STK24: variants seen among roughly 807,000 people sequenced by gnomAD.
STK24 encodes serine/threonine-protein kinase 24.
Under a neutral mutation model 55.6 loss-of-function variants are expected in STK24, and 21 were observed. The observed-to-expected ratio is 0.38, with a 90% CI of 0.27 to 0.54. The LOEUF (loss-of-function observed/expected upper bound fraction) is 0.54, where lower values mean the gene tolerates loss of function less well. Among genes scored for constraint, STK24 ranks in the 20% least tolerant of loss-of-function variants. STK24 has a pLI of 0.79. For missense variants in STK24, 383 were observed against 538.4 expected (o/e 0.71, Z 2.86); for synonymous variants, 200 against 215.2 (o/e 0.93, Z 0.62).
intron 1 of STK24, among the ~76,000 whole-genome samples, chr13:98,566,331 G>C (rs1897569107): frequency 6.6e-6 from 1 of 152,236 alleles, no homozygotes; most frequent in South Asian, 2.1e-4. Context: ...GAGGGACAAT[G>C]TGACGGTCAG....
intron 2 of STK24, among the ~76,000 whole-genome samples, chr13:98,496,571 C>T (rs1165337840): frequency 2.0e-5 from 3 of 152,196 alleles, no homozygotes; most frequent in Non-Finnish European, 4.4e-5. Context: ...TGTCCCCACA[C>T]GAGATCAACG....
At chr13:98,513,126 C>G (rs191546344) in intron 2 of STK24, among the ~76,000 whole-genome samples, 1 of 152,326 alleles carries the variant, frequency 6.6e-6, no homozygotes, top group African/African-American at 2.4e-5. Flanking sequence ...GCTGGCCAGC[C>G]CACGCAGGGT....
At chr13:98,461,036 C>T (rs1208710869) in intron 8 of STK24, among the ~76,000 whole-genome samples, 1 of 139,270 alleles carries the variant, frequency 7.2e-6, no homozygotes, top group Non-Finnish European at 1.6e-5. Context: ...CAACAGAGAC[C>T]CCGTCTCAAA....
intron 2 of STK24, among the ~76,000 whole-genome samples, chr13:98,502,919 A>G (rs1193241193): frequency 1.3e-5 from 2 of 152,114 alleles, no homozygotes; most frequent in East Asian, 3.8e-4. Context: ...TTTAAAAAGG[A>G]AACACCTGAG....
chr13:98,543,529 G>A (rs1896947597), intron 1 of STK24, among the ~76,000 whole-genome samples: 1 of 152,216 alleles, frequency 6.6e-6, no homozygotes, highest in Non-Finnish European at 1.5e-5. Context: ...TCCATCAACA[G>A]CAGCTGAGAA....
At chr13:98,529,102 G>T (rs562177280) in intron 1 of STK24, among the ~76,000 whole-genome samples, 1 of 152,060 alleles carries the variant, frequency 6.6e-6, no homozygotes, top group Non-Finnish European at 1.5e-5. Context: ...CCTGTCTGGC[G>T]CTACCACCCA....
chr13:98,525,016 C>A (rs1351948911), intron 1 of STK24, among the ~76,000 whole-genome samples: 1 of 152,252 alleles, frequency 6.6e-6, no homozygotes, highest in Non-Finnish European at 1.5e-5. Flanking sequence ...GAGGCCGGGG[C>A]AATGGGGCAC....
chr13:98,479,148 T>G (rs192418818), intron 3 of STK24, among the ~76,000 whole-genome samples: 2 of 152,204 alleles, frequency 1.3e-5, no homozygotes, highest in African/African-American at 4.8e-5. Flanking sequence ...ATACTTCTTA[T>G]GCTCTTCTAA....
intron 2 of STK24, among the ~76,000 whole-genome samples, chr13:98,483,024 C>G (rs1211563570): frequency 6.6e-6 from 1 of 152,262 alleles, no homozygotes; most frequent in Admixed American, 6.5e-5. Flanking sequence ...GGTCTCTCTT[C>G]AAGCTACTCA....
chr13:98,567,642 A>G (rs1198179256), intron 1 of STK24, among the ~76,000 whole-genome samples: 4 of 152,160 alleles, frequency 2.6e-5, no homozygotes, highest in Non-Finnish European at 5.9e-5. Context: ...AGAAAATAAG[A>G]GGCACAATCT....
chr13:98,569,832 T>TA (rs1164939137), intron 1 of STK24, among the ~76,000 whole-genome samples: 1 of 137,210 alleles, frequency 7.3e-6, no homozygotes. Flanking sequence ...CCAAAGTCTA[T>TA]AGACAATGCC....
chr13:98,562,313 C>T lies in STK24; in HGVS notation c.42+14432G>A, dbSNP rs1354105497. ...TGAAGGTTCCCATTTCTGTACAATC[C>T]TCAACCCCCCACTTCACATGATTCT... is the stretch of plus-strand genomic sequence containing the variant. On this transcript the variant is annotated intron_variant, in intron 1 of 10. Coordinates refer to ENST00000539966, the MANE Select transcript of STK24 (RefSeq NM_001032296.4). 2.0e-5 allele frequency among the ~76,000 whole-genome samples: 3 copies of T among 152,096 alleles called. No homozygotes were observed. In the East Asian group the frequency reaches 5.8e-4, roughly 29 times the overall value.
chr13:98,453,867 C>T (rs111619453), intron 10 of STK24: 1 of 152,126 alleles, frequency 6.6e-6, no homozygotes, highest in Non-Finnish European at 1.5e-5. Flanking sequence ...AAAGTACATA[C>T]AAAATTACAG....
At chr13:98,493,319 C>A (rs1895113907) in intron 2 of STK24, among the ~76,000 whole-genome samples, 1 of 152,204 alleles carries the variant, frequency 6.6e-6, no homozygotes, top group Non-Finnish European at 1.5e-5. Context: ...TGGGAAGTTT[C>A]TGTGCTTAAA....
At chr13:98,510,211 G>A (rs1594625021) in intron 2 of STK24, among the ~76,000 whole-genome samples, 1 of 152,168 alleles carries the variant, frequency 6.6e-6, no homozygotes, top group African/African-American at 2.4e-5. Context: ...AGGGGTGTCC[G>A]TCAGTATAAA....
intron 1 of STK24, among the ~76,000 whole-genome samples, chr13:98,537,248 CT>C (rs1896761146): frequency 1.3e-5 from 2 of 152,210 alleles, no homozygotes; most frequent in African/African-American, 4.8e-5. Context: ...CTGGGTGAGG[CT>C]GCTGGGATGG....
intron 1 of STK24, among the ~76,000 whole-genome samples, chr13:98,526,776 T>C (rs1217642092): frequency 6.6e-6 from 1 of 152,154 alleles, no homozygotes; most frequent in Non-Finnish European, 1.5e-5. Flanking sequence ...GGCCAAGACT[T>C]GGGAAACGTG....
chr13:98,558,542 A>T (rs1057070803), intron 1 of STK24, among the ~76,000 whole-genome samples: 1 of 152,190 alleles, frequency 6.6e-6, no homozygotes, highest in African/African-American at 2.4e-5. Context: ...ACCCAGAAAC[A>T]TAAAGAAAAC....
intron 1 of STK24, among the ~76,000 whole-genome samples, chr13:98,529,332 C>T (rs546755620): frequency 1.1e-4 from 17 of 152,166 alleles, no homozygotes; most frequent in Non-Finnish European, 2.4e-4. Context: ...CAGGTCACTG[C>T]CTGGCCCTCC....
Sources: gnomAD v4.1 joint callset for allele counts (sites outside exome capture counted in the v4.1 genomes callset) on GRCh38, gnomAD v4.1.1 for gene constraint, MANE v1.5 for transcripts, NCBI Gene and HGNC (gene_info 2026-07-23, HGNC 2026-07-21) for gene names.